POU2F1: variants seen among roughly 807,000 people sequenced by gnomAD.
The protein encoded by POU2F1 is POU class 2 homeobox 1.
In POU2F1, 16 loss-of-function variants were observed where a neutral mutation model predicts 84.9. That is an observed-to-expected ratio of 0.19 (90% confidence interval 0.13 to 0.29). POU2F1 has a LOEUF of 0.29. Ranked by LOEUF, POU2F1 falls within the 10% of genes least tolerant of loss-of-function variation. POU2F1 has a pLI of 1.00. For missense variants in POU2F1, 738 were observed against 942.6 expected (o/e 0.78, Z 2.84); for synonymous variants, 368 against 368.3 (o/e 1.00, Z 0.01).
intron 1 of POU2F1, among the ~76,000 whole-genome samples, chr1:167,265,790 T>C (rs1327270763): frequency 6.6e-6 from 1 of 152,152 alleles, no homozygotes; most frequent in African/African-American, 2.4e-5. Context: ...AGGCCAGTTA[T>C]GCTGCTAAAC....
chr1:167,256,763 A>G (rs955439002), intron 1 of POU2F1, among the ~76,000 whole-genome samples: 1 of 152,116 alleles, frequency 6.6e-6, no homozygotes, highest in African/African-American at 2.4e-5. Context: ...TATTTGGAAA[A>G]CTTTGGGATG....
chr1:167,363,737 A>G (rs928298830), intron 2 of POU2F1, among the ~76,000 whole-genome samples: 1 of 152,240 alleles, frequency 6.6e-6, no homozygotes, highest in African/African-American at 2.4e-5. Flanking sequence ...AAAAAATAGA[A>G]GCGATTTTAT....
chr1:167,365,648 A>C, intron 3 of POU2F1, 81 bp downstream of exon 3: 1 of 976,554 alleles, frequency 1.0e-6, no homozygotes, highest in Non-Finnish European at 1.5e-6. Flanking sequence ...TTATTTCAGA[A>C]TGTGGGACCT....
intron 2 of POU2F1, among the ~76,000 whole-genome samples, chr1:167,340,818 T>A (rs1657799726): frequency 6.6e-6 from 1 of 152,160 alleles, no homozygotes; most frequent in South Asian, 2.1e-4. Flanking sequence ...CTCAATAAAT[T>A]TATCTTATAG....
At chr1:167,267,086 GTAT>G (rs1652016161) in intron 1 of POU2F1, among the ~76,000 whole-genome samples, 1 of 151,840 alleles carries the variant, frequency 6.6e-6, no homozygotes, top group African/African-American at 2.4e-5. Context: ...ATTGTGATCA[GTAT>G]TATTGATCAC....
Position 167,352,402 on chromosome 1 carries a change from C to T in POU2F1, c.128-13065C>T, listed in dbSNP as rs182823889. Among the ~76,000 whole-genome samples, 186 of 152,276 alleles carry T rather than the reference C, an allele frequency of 1.2e-3. 1 individual carries two copies. Among genetic ancestry groups the T allele is most frequent in the African/African-American group, 3.8e-3 (159 of 41,558 alleles). On this transcript the variant is annotated intron_variant, in intron 2 of 15. Coordinates refer to ENST00000367866, the MANE Select transcript of POU2F1 (RefSeq NM_002697.4). Reference sequence around the variant, plus strand: ...CTACTACTTTGTCATCTTATGTCCCCTTATGAGCCTGATCATGGCCTCAAT... The same window carrying T: ...CTACTACTTTGTCATCTTATGTCCCTTTATGAGCCTGATCATGGCCTCAAT...
chr1:167,221,859 G>A (rs2102313070), intron 1 of POU2F1, among the ~76,000 whole-genome samples: 1 of 152,048 alleles, frequency 6.6e-6, no homozygotes, highest in East Asian at 1.9e-4. Flanking sequence ...GAGTCCTTGG[G>A]GCAAGTTCCT....
Position 167,415,877 on chromosome 1 carries a change from TAATAA to T in POU2F1, c.*69_*73del. On this transcript the variant is annotated 3_prime_UTR_variant, in exon 16 of 16. Transcript: ENST00000367866. ...AGTGTGATTGGACTGCCAGCCAGGTTAATAAACTGAAAAATGTGATTGGCTTCCTC... is the reference window on the plus strand; with the variant it reads ...AGTGTGATTGGACTGCCAGCCAGGTTACTGAAAAATGTGATTGGCTTCCTC... 7.0e-7 allele frequency: 1 copy of T among 1,434,228 alleles called. No individual in the cohort carries two copies. Among genetic ancestry groups the T allele is most frequent in the Non-Finnish European group, 9.3e-7 (1 of 1,070,134 alleles). The allele number at this position is 1,434,228 out of a possible 1,614,324, so 88.8% of individuals were successfully genotyped here. A position where few individuals can be genotyped will look rare whatever the true frequency, so the allele number is the denominator to read the frequency against.
intron 2 of POU2F1, among the ~76,000 whole-genome samples, chr1:167,353,870 T>C (rs1658760867): frequency 6.6e-6 from 1 of 152,196 alleles, no homozygotes; most frequent in South Asian, 2.1e-4. Flanking sequence ...CCTGAACATA[T>C]TCCATTTTTC....
At chr1:167,250,631 C>T (rs1026876795) in intron 1 of POU2F1, among the ~76,000 whole-genome samples, 6 of 152,146 alleles carry the variant, frequency 3.9e-5, no homozygotes, top group Non-Finnish European at 2.9e-5. Context: ...TTTCTTTAAA[C>T]TTTGGCATAG....
At chr1:167,263,780 A>G (rs1557855147) in intron 1 of POU2F1, among the ~76,000 whole-genome samples, 3 of 152,084 alleles carry the variant, frequency 2.0e-5, no homozygotes, top group Non-Finnish European at 4.4e-5. Flanking sequence ...AACTATTCTT[A>G]AGACTCCTTG....
intron 2 of POU2F1, among the ~76,000 whole-genome samples, chr1:167,335,583 A>C (rs1657392400): frequency 6.6e-6 from 1 of 152,120 alleles, no homozygotes; most frequent in Non-Finnish European, 1.5e-5. Flanking sequence ...TGGAAGGGAG[A>C]AGCAAAACTG....
intron 9 of POU2F1, among the ~76,000 whole-genome samples, chr1:167,391,074 A>G (rs1361662299): frequency 6.6e-6 from 1 of 152,190 alleles, no homozygotes; most frequent in Non-Finnish European, 1.5e-5. Context: ...TTTAAGCACT[A>G]CCACTGACTT....
chr1:167,424,662 A>G lies in POU2F1; in HGVS notation c.*8852A>G, dbSNP rs915388635. The G allele has an allele frequency of 6.6e-6, 1 of 152,256 alleles. No homozygotes were observed. The highest frequency in any genetic ancestry group is 1.5e-5 in the Non-Finnish European group (1 of 68,058). 9.4% of individuals were successfully genotyped at this position (152,256 alleles called of 1,614,324 possible). The stretch of plus-strand genomic sequence containing the variant: ...CCTGTAGCCTAGGGTGGGACCCCCT[A>G]AAGCCTCTGAATGTCGCTGCTTAAA... On this transcript the variant is annotated 3_prime_UTR_variant, in exon 16 of 16. Transcript: ENST00000367866.
intron 2 of POU2F1, among the ~76,000 whole-genome samples, chr1:167,352,973 C>T (rs923474507): frequency 3.3e-5 from 5 of 152,154 alleles, no homozygotes; most frequent in Admixed American, 1.3e-4. Context: ...TGCCTGAATC[C>T]TGTGCAAAGC....
At position 167,332,446 on chromosome 1, in the gene POU2F1, T is replaced by G. The variant is rs1297344664; in HGVS notation, c.62-24T>G. The G allele has an allele frequency of 2.5e-6, 4 of 1,589,106 alleles. No homozygotes were observed. The Admixed American group carries it at 6.7e-5, about 27-fold the overall frequency. ...CTCCATCCCCAGTTTTTTAAAAACC[T>G]TATTCTCCTCTGATTTATTGCAGAC... On this transcript the variant is annotated intron_variant, in intron 1 of 15. Transcript: ENST00000367866.
At chr1:167,363,802 C>G (rs1183786705) in intron 2 of POU2F1, among the ~76,000 whole-genome samples, 1 of 152,190 alleles carries the variant, frequency 6.6e-6, no homozygotes, top group Admixed American at 6.5e-5. Flanking sequence ...CTCAAGGAAA[C>G]AAATAGGGCT....
At chr1:167,360,053 T>C (rs556142372) in intron 2 of POU2F1, among the ~76,000 whole-genome samples, 2 of 152,188 alleles carry the variant, frequency 1.3e-5, no homozygotes, top group Admixed American at 6.5e-5. Context: ...AAGTTCCTTA[T>C]AGATTTTGGA....
At chr1:167,283,873 AAAT>A (rs1216661094) in intron 1 of POU2F1, among the ~76,000 whole-genome samples, 2 of 152,220 alleles carry the variant, frequency 1.3e-5, no homozygotes, top group African/African-American at 4.8e-5. Flanking sequence ...GTCATTTAAT[AAAT>A]AATAATAACA....
Sources: gnomAD v4.1 joint callset for allele counts (sites outside exome capture counted in the v4.1 genomes callset) on GRCh38, gnomAD v4.1.1 for gene constraint, MANE v1.5 for transcripts, NCBI Gene and HGNC (gene_info 2026-07-23, HGNC 2026-07-21) for gene names.